The following FLNB variants were observed in gnomAD, a reference collection of about 807,000 sequenced individuals.
FLNB encodes the protein filamin-B.
In FLNB, 111 loss-of-function variants were observed where a neutral mutation model predicts 250.6. That is an observed-to-expected ratio of 0.44 (90% CI 0.38 to 0.52). The LOEUF (loss-of-function observed/expected upper bound fraction) is 0.52. Ranked by LOEUF, FLNB falls within the 20% of genes least tolerant of loss-of-function variation. The pLI is 0.00. For synonymous variants in FLNB, 1,302 were observed against 1,372.1 expected (o/e 0.95, Z 1.13); for missense variants, 2,869 against 3,447.8 (o/e 0.83, Z 4.20).
chr3:58,044,952 A>C (rs2097151485), intron 1 of FLNB, among the ~76,000 whole-genome samples: 2 of 152,210 alleles, frequency 1.3e-5, no homozygotes, highest in African/African-American at 4.8e-5. Flanking sequence ...CCAAACACTA[A>C]TCAGTGCTGA....
chr3:58,098,934 G>A, intron 8 of FLNB, 26 bp downstream of exon 8: 3 of 1,604,888 alleles, frequency 1.9e-6, no homozygotes, highest in Non-Finnish European at 2.6e-6. Context: ...CTGGCCACAT[G>A]TGCTTCTCAT....
rs80132777 is a variant in FLNB at position 58,131,797 on chromosome 3, G to A, written c.4390+889G>A. On this transcript the variant is annotated intron_variant, in intron 25 of 45. Transcript: ENST00000295956. ...AGTTACTGAGCTTCAGGACCTGCATGTGTTTGTGTGCATGTATGTGTCCCT... is the reference window on the plus strand; with the variant it reads ...AGTTACTGAGCTTCAGGACCTGCATATGTTTGTGTGCATGTATGTGTCCCT... 8.8e-3 allele frequency: 5,939 copies of A among 674,596 alleles called. 261 individuals carry two copies. The African/African-American group carries it at 0.096, about 11-fold the overall frequency. 41.8% of individuals were successfully genotyped at this position (674,596 alleles called of 1,614,324 possible). A position where few individuals can be genotyped will look rare whatever the true frequency, so the allele number is the denominator to read the frequency against.
Position 58,081,782 on chromosome 3 carries a change from T to C in FLNB, c.787+6T>C, listed in dbSNP as rs758503616. ...AGCCAGGGCCTATGGCAGAGGTGAGTGCTGGTCCTCTGGTGTTGTATTGGA... is the reference window on the plus strand; with the variant it reads ...AGCCAGGGCCTATGGCAGAGGTGAGCGCTGGTCCTCTGGTGTTGTATTGGA... On this transcript the variant is annotated splice_donor_region_variant and intron_variant, in intron 4 of 45. Coordinates refer to ENST00000295956, the MANE Select transcript of FLNB (RefSeq NM_001457.4). 4 of 1,613,950 alleles carry C rather than the reference T, an allele frequency of 2.5e-6. No homozygotes were observed. In the South Asian group the frequency reaches 4.4e-5, roughly 18 times the overall value.
chr3:58,146,681 C>G, intron 33 of FLNB, 139 bp from the exon 34 acceptor site: 1 of 843,688 alleles, frequency 1.2e-6, no homozygotes. Flanking sequence ...ACAGATGTCC[C>G]TTTGCCCACA....
At chr3:58,155,914 C>T (rs908856610) in intron 40 of FLNB, 46 bp from the exon 41 acceptor site, 11 of 1,371,740 alleles carry the variant, frequency 8.0e-6, no homozygotes, top group Non-Finnish European at 1.0e-5. Flanking sequence ...AGAGTCCACT[C>T]TGGGTCCAGA....
chr3:58,084,973 T>C (rs9883619), intron 4 of FLNB, among the ~76,000 whole-genome samples: 1,808 of 152,350 alleles, frequency 0.012, 41 homozygotes, highest in African/African-American at 0.041. Context: ...TCATATGTTT[T>C]CAGGGTTCAC....
At chr3:58,010,106 G>A (rs548684563) in intron 1 of FLNB, among the ~76,000 whole-genome samples, 2 of 133,936 alleles carry the variant, frequency 1.5e-5, no homozygotes, top group Admixed American at 7.9e-5. Context: ...ATGGGTGTGT[G>A]TATGTGTGTG....
Position 58,153,599 on chromosome 3 carries a change from G to T in FLNB, c.6592G>T (p.Ala2198Ser). The change falls in exon 39 of 46, where the codon GCA becomes TCA. Residue 2198 changes from alanine to serine, a missense_variant. Ala to Ser is a moderately conservative substitution (Grantham distance 99, BLOSUM62 1). Coordinates refer to ENST00000295956, the MANE Select transcript of FLNB (RefSeq NM_001457.4). ...TGAAGGAGGCGCCCACAAGGTGCGG[G>T]CAGGAGGCCCTGGCCTGGAGAGAGG... ...LGEGGAHKVR[A>S]GGPGLERGEA... 6.2e-7 allele frequency: 1 copy of T among 1,614,130 alleles called. No homozygotes were observed. Among genetic ancestry groups the T allele is most frequent in the Non-Finnish European group, 8.5e-7 (1 of 1,180,038 alleles).
At chr3:58,014,873 C>T (rs142374769) in intron 1 of FLNB, among the ~76,000 whole-genome samples, 121 of 152,242 alleles carry the variant, frequency 7.9e-4, no homozygotes, top group African/African-American at 2.8e-3. Context: ...GGATTACAGG[C>T]GTGCGCCACT....
chr3:58,119,029 C>G, intron 19 of FLNB, 40 bp downstream of exon 19: 3 of 1,389,354 alleles, frequency 2.2e-6, no homozygotes, highest in Non-Finnish European at 3.1e-6. Flanking sequence ...TGTTGATGAC[C>G]CCCCAACGTG....
At chr3:58,132,011 A>G (rs774463355) in intron 25 of FLNB, 6 of 1,534,742 alleles carry the variant, frequency 3.9e-6, no homozygotes, top group East Asian at 2.4e-5. Context: ...GGTGACTTTA[A>G]TAAGACAGGT....
chr3:58,099,445 A>C (rs2097245483), intron 8 of FLNB, among the ~76,000 whole-genome samples: 1 of 152,142 alleles, frequency 6.6e-6, no homozygotes, highest in African/African-American at 2.4e-5. Context: ...TGTTGGCCTT[A>C]CCCTTAACTA....
chr3:58,101,894 C>A (rs753406058), intron 8 of FLNB, among the ~76,000 whole-genome samples: 6 of 152,236 alleles, frequency 3.9e-5, no homozygotes, highest in Non-Finnish European at 7.3e-5. Context: ...TCGGCCTTAA[C>A]TCCCTTTCAC....
chr3:58,046,837 T>C (rs1380026318), intron 1 of FLNB, among the ~76,000 whole-genome samples: 2 of 152,240 alleles, frequency 1.3e-5, no homozygotes, highest in Admixed American at 6.5e-5. Context: ...TAATCTACTC[T>C]GTCTCTATGG....
At chr3:58,152,580 G>A in intron 38 of FLNB, 1 of 276,010 alleles carries the variant, frequency 3.6e-6, no homozygotes, top group Non-Finnish European at 7.2e-6. Flanking sequence ...GCCTCCTCAA[G>A]GCCCATGATA....
At chr3:58,048,322 T>C (rs2097157222) in intron 1 of FLNB, among the ~76,000 whole-genome samples, 1 of 152,194 alleles carries the variant, frequency 6.6e-6, no homozygotes, top group South Asian at 2.1e-4. Flanking sequence ...GGGAGGGTCT[T>C]GGTAAAATGC....
chr3:58,111,639 T>C, intron 16 of FLNB, 152 bp from the exon 17 acceptor site: 1 of 661,508 alleles, frequency 1.5e-6, no homozygotes, highest in South Asian at 1.7e-5. Context: ...CCCTTTTGGC[T>C]TATCTTACCC....
Position 58,068,737 on chromosome 3 carries a change from A to G in FLNB, c.293-8309A>G, listed in dbSNP as rs532444452. ...GGATGCAGGAGATCTGAGCTCTTCA[A>G]TGTGGGGTGGTCTTGCAGCAGCTCT... On this transcript the variant is annotated intron_variant, in intron 1 of 45. Coordinates refer to ENST00000295956, the MANE Select transcript of FLNB (RefSeq NM_001457.4). Among the ~76,000 whole-genome samples the G allele has an allele frequency of 3.3e-5, 5 of 152,108 alleles. No homozygotes were observed. The East Asian group carries it at 5.8e-4, about 18-fold the overall frequency.
chr3:58,016,523 TCTA>T (rs1462677602), intron 1 of FLNB, among the ~76,000 whole-genome samples: 5 of 150,682 alleles, frequency 3.3e-5, no homozygotes, highest in Non-Finnish European at 5.9e-5. Flanking sequence ...ATAAACATAC[TCTA>T]CTGTCAATTT....
Sources: allele counts gnomAD v4.1 joint callset (sites outside exome capture counted in the v4.1 genomes callset), GRCh38; gene constraint gnomAD v4.1.1; transcripts MANE v1.5; gene names NCBI Gene and HGNC (gene_info 2026-07-23, HGNC 2026-07-21).